Variants in BIRC6 observed in about 807,000 individuals in gnomAD.
BIRC6 encodes baculoviral IAP repeat containing 6.
In BIRC6, 98 loss-of-function variants were observed where a neutral mutation model predicts 503.3. The observed-to-expected ratio is 0.19, with a 90% CI of 0.17 to 0.23. The LOEUF is 0.23. BIRC6 is among the 10% of genes least tolerant of loss of function. The probability of loss-of-function intolerance (pLI) is 1.00; values close to 1 mark genes in which losing one functional copy is unlikely to be tolerated. For missense variants in BIRC6, 5,360 were observed against 5,806.0 expected (o/e 0.92, Z 2.50); for synonymous variants, 2,240 against 2,078.7 (o/e 1.08, Z -2.11).
intron 66 of BIRC6, among the ~76,000 whole-genome samples, chr2:32,578,361 G>C (rs911991177): frequency 2.0e-5 from 3 of 152,118 alleles, no homozygotes; most frequent in Admixed American, 2.0e-4. Flanking sequence ...CCACCTGTCT[G>C]CCTCATTCCC....
chr2:32,614,271 C>G (rs1053419898), intron 73 of BIRC6, among the ~76,000 whole-genome samples: 1 of 152,176 alleles, frequency 6.6e-6, no homozygotes, highest in Admixed American at 6.5e-5. Context: ...GTCTGTTTGT[C>G]CAGCTTCCTT....
rs770843462 is a variant in BIRC6, at chr2:32,518,271, T to G, written c.11367T>G (p.Phe3789Leu). The part of the protein sequence containing the change: ...KLMAQVLCEL[F>L]QTSPQRGNLP... ...CTTGCCAGGTTCTTTGTGAACTATT[T>G]CAGACATCTCCTCAAAGAGGGAACC... Residue 3789 changes from phenylalanine (F) to leucine (L), a missense_variant, in exon 56 of 74, where the codon TTT (phenylalanine) becomes TTG (leucine). By Grantham distance (22) the Phe-to-Leu change is conservative. Around this residue, in one of 16 missense-constraint regions of BIRC6, gnomAD observed 878 missense variants for 928.9 expected, o/e 0.95. Coordinates refer to ENST00000421745, the MANE Select transcript of BIRC6 (RefSeq NM_016252.4). 6.2e-7 allele frequency: 1 copy of G among 1,613,256 alleles called. No individual in the cohort carries two copies. The highest frequency in any genetic ancestry group is 8.5e-7 in the Non-Finnish European group (1 of 1,179,580).
At chr2:32,591,170 G>T (rs1183824339) in intron 66 of BIRC6, among the ~76,000 whole-genome samples, 1 of 152,056 alleles carries the variant, frequency 6.6e-6, no homozygotes, top group Admixed American at 6.6e-5. Flanking sequence ...TTTTCGGTGT[G>T]TTTTTGTCAG....
At chr2:32,408,597 C>T (rs1242702842) in intron 9 of BIRC6, among the ~76,000 whole-genome samples, 1 of 152,112 alleles carries the variant, frequency 6.6e-6, no homozygotes, top group Non-Finnish European at 1.5e-5. Context: ...CATGTTTTTA[C>T]AGTTACAATA....
intron 9 of BIRC6, among the ~76,000 whole-genome samples, chr2:32,414,176 C>G (rs755460514): frequency 6.6e-6 from 1 of 152,052 alleles, no homozygotes; most frequent in Admixed American, 6.6e-5. Context: ...ATTCTTGCGG[C>G]TGAGGCAGGA....
rs367768129 is a variant in BIRC6, at chr2:32,464,691, A to G, written c.5124A>G (p.Pro1708=). 1.2e-6 allele frequency: 2 copies of G among 1,613,594 alleles called. No individual in the cohort carries two copies. The highest frequency in any genetic ancestry group is 2.2e-5 in the East Asian group (1 of 44,880). Residue 1708 remains proline, a synonymous_variant, in exon 25 of 74, where the codon CCA becomes CCG. Transcript: ENST00000421745. The part of the protein sequence containing the change: ...PKTTPLFMTP[P]LTPPNEAVSV... ...CAACACCTCTTTTTATGACTCCACC[A>G]CTCACTCCACCCAATGAAGCAGTTT...
At chr2:32,358,024 C>CCTGGGG (rs2033407438) in intron 1 of BIRC6, among the ~76,000 whole-genome samples, 1 of 13,458 alleles carries the variant, frequency 7.4e-5, no homozygotes, top group Admixed American at 1.1e-3. Flanking sequence ...GTGCGCCCAG[C>CCTGGGG]GTGGGGGTGG....
chr2:32,477,735 C>CAAA lies in BIRC6; in HGVS notation c.7068+168_7068+170dup, dbSNP rs35168398. On this transcript the variant is annotated intron_variant, in intron 35 of 73. Transcript: ENST00000421745. ...GCAATGTGGCAAAACCCCGTCTCTA[C>CAAA]AAAAAAAAAAAAAAAAAAGTGACTT... Among the ~76,000 whole-genome samples, 62 of 108,578 alleles carry CAAA rather than the reference C, an allele frequency of 5.7e-4. 4 individuals are homozygous for CAAA. The East Asian group carries it at 0.012, about 21-fold the overall frequency. 71.2% of individuals were successfully genotyped at this position (108,578 alleles called of 152,430 possible). A position where few individuals can be genotyped will look rare whatever the true frequency, so the allele number is the denominator to read the frequency against.
Position 32,357,502 on chromosome 2 carries a change from GC to G in BIRC6, c.325+18del. 2 of 1,536,916 alleles carry G rather than the reference GC, an allele frequency of 1.3e-6. No homozygotes were observed. The highest frequency in any genetic ancestry group is 1.8e-6 in the Non-Finnish European group (2 of 1,142,232). On this transcript the variant is annotated intron_variant, in intron 1 of 73. Transcript: ENST00000421745. The surrounding 1 kb of genome is among the most constrained non-coding windows in gnomAD (Gnocchi z 4.9). ...GCGCTCAGTGGTGAGTCTTCCGCAC[GC>G]CGGGCGGGCGCGAAGCCGGGGAAAG...
chr2:32,492,501 A>G (rs1385808846), intron 44 of BIRC6, among the ~76,000 whole-genome samples: 1 of 152,034 alleles, frequency 6.6e-6, no homozygotes. Flanking sequence ...GTACTTAAAG[A>G]TTGATTGAAT....
chr2:32,537,092 G>C (rs2057297507), intron 61 of BIRC6, among the ~76,000 whole-genome samples: 2 of 152,140 alleles, frequency 1.3e-5, no homozygotes. Flanking sequence ...GAATGCGTGT[G>C]ATTTTTACAC....
At position 32,479,513 on chromosome 2, in the gene BIRC6, G is replaced by C. The variant is rs1269301253; in HGVS notation, c.7304G>C (p.Gly2435Ala). 6 of 1,605,500 alleles carry C rather than the reference G, an allele frequency of 3.7e-6. No homozygotes were observed. Among genetic ancestry groups the C allele is most frequent in the South Asian group, 2.2e-5 (2 of 89,296 alleles). ...GAAGCCATGGAGGAAGGAACAGTGG[G>C]TGATGATGTAGGTGCGACAGCTGGT... ...AAEAMEEGTV[G>A]DDVGATAGDS... The change falls in exon 37 of 74, where the codon GGT becomes GCT. Residue 2435 changes from glycine (G) to alanine (A), a missense_variant. Gly to Ala is a moderately conservative substitution (Grantham distance 60). Coordinates refer to ENST00000421745, the MANE Select transcript of BIRC6 (RefSeq NM_016252.4).
At chr2:32,427,437 C>T (rs537981324) in intron 10 of BIRC6, among the ~76,000 whole-genome samples, 1 of 152,176 alleles carries the variant, frequency 6.6e-6, no homozygotes, top group Admixed American at 6.5e-5. Context: ...AGGCGCCTGC[C>T]ACCACGCCTG....
At chr2:32,491,643 TA>T in intron 44 of BIRC6, 85 bp downstream of exon 44, 1 of 1,371,316 alleles carries the variant, frequency 7.3e-7, no homozygotes, top group Non-Finnish European at 9.9e-7. Flanking sequence ...TTTTTATTGC[TA>T]AAGTATTAAA....
intron 66 of BIRC6, among the ~76,000 whole-genome samples, chr2:32,579,106 A>C (rs1386858154): frequency 6.7e-6 from 1 of 148,752 alleles, no homozygotes; most frequent in Non-Finnish European, 1.5e-5. Context: ...TTCATTGTGT[A>C]TTCTGCAGAT....
At chr2:32,615,099 G>C (rs763900221) in intron 73 of BIRC6, among the ~76,000 whole-genome samples, 1 of 152,100 alleles carries the variant, frequency 6.6e-6, no homozygotes, top group Non-Finnish European at 1.5e-5. Context: ...GGTGTGGGAG[G>C]TGCCACACTT....
rs773549454 is a variant in BIRC6, at chr2:32,416,112, G to A, written c.2821G>A (p.Val941Ile). 25 of 1,613,248 alleles carry A rather than the reference G, an allele frequency of 1.5e-5. No homozygotes were observed. The South Asian group carries it at 2.5e-4, about 16-fold the overall frequency. ...GGGCACTGAGGAACAGGACACATTT[G>A]TTTCTGTGATTTACTGTTCTGGCAC... is the stretch of plus-strand genomic sequence containing the variant. ...KEGTEEQDTF[V>I]SVIYCSGTDR... The change falls in exon 10 of 74, where the codon GTT becomes ATT. Residue 941 changes from valine (V) to isoleucine (I), a missense_variant. This residue lies in a region of BIRC6 where 700 missense variants were observed against 739.3 expected (regional missense o/e 0.95). Coordinates refer to ENST00000421745, the MANE Select transcript of BIRC6 (RefSeq NM_016252.4).
At chr2:32,471,263 C>T in intron 32 of BIRC6, 139 bp downstream of exon 32, 1 of 1,071,704 alleles carries the variant, frequency 9.3e-7, no homozygotes, top group Non-Finnish European at 1.3e-6. Flanking sequence ...AAGGAAAATA[C>T]AAATGAACTT....
intron 61 of BIRC6, among the ~76,000 whole-genome samples, chr2:32,540,825 A>G (rs1255240482): frequency 6.6e-6 from 1 of 151,984 alleles, no homozygotes; most frequent in Non-Finnish European, 1.5e-5. Flanking sequence ...ATTAGTCTTA[A>G]TGTTGACTAG....
Sources: gnomAD v4.1 joint callset for allele counts (sites outside exome capture counted in the v4.1 genomes callset) on GRCh38, gnomAD v4.1.1 for gene constraint, gnomAD v4.1.1 regional missense constraint, Gnocchi (gnomAD v3.1) non-coding constraint, MANE v1.5 for transcripts, NCBI Gene and HGNC (gene_info 2026-07-23, HGNC 2026-07-21) for gene names.